The following MEMO1 variants were observed in gnomAD, a reference collection of about 807,000 sequenced individuals.
MEMO1 encodes the protein protein MEMO1.
Under a neutral mutation model 45.2 loss-of-function variants are expected in MEMO1, and 6 were observed. The ratio of observed to expected loss-of-function variants is 0.13; its 90% CI spans 0.07 to 0.26. MEMO1 has a LOEUF of 0.26. MEMO1 is among the 10% of genes least tolerant of loss of function. The pLI, the probability that MEMO1 is intolerant of heterozygous loss-of-function variation, is 1.00. For missense variants in MEMO1, 184 were observed against 370.5 expected, an observed-to-expected ratio of 0.50 and a Z score of 4.13; for synonymous variants, 78 against 124.3, an observed-to-expected ratio of 0.63 and a Z score of 2.48.
rs1370510018 is a variant in MEMO1, at chr2:31,923,817, T to C, written c.213-2907A>G. ...CATACATAAATTTCCTAAGTAAGTGTAATAAGGTTCTAACAATAGCCAAAA... is the reference window on the plus strand; with the variant it reads ...CATACATAAATTTCCTAAGTAAGTGCAATAAGGTTCTAACAATAGCCAAAA... On this transcript the variant is annotated intron_variant, in intron 4 of 9. Coordinates refer to ENST00000404530, the MANE Select transcript of MEMO1 (RefSeq NM_001301833.4). 2.8e-6 allele frequency: 4 copies of C among 1,443,560 alleles called. No individual in the cohort carries two copies. In the African/African-American group the frequency reaches 5.8e-5, roughly 21 times the overall value. The allele number at this position is 1,443,560 out of a possible 1,614,324, so 89.4% of individuals were successfully genotyped here.
At chr2:32,001,180 A>C (rs2148594930) in intron 2 of MEMO1, among the ~76,000 whole-genome samples, 1 of 151,946 alleles carries the variant, frequency 6.6e-6, no homozygotes, top group East Asian at 1.9e-4. Context: ...CTGGGACTAC[A>C]GGAGCCCGCC....
intron 7 of MEMO1, among the ~76,000 whole-genome samples, chr2:31,891,441 C>G (rs1676961923): frequency 6.6e-6 from 1 of 151,980 alleles, no homozygotes; most frequent in South Asian, 2.1e-4. Context: ...AGAGTCCTTA[C>G]CCTTATAAAA....
At chr2:31,914,842 C>A (rs985359506) in intron 6 of MEMO1, among the ~76,000 whole-genome samples, 3 of 151,582 alleles carry the variant, frequency 2.0e-5, no homozygotes, top group Non-Finnish European at 4.4e-5. Flanking sequence ...CCTGTAGTGC[C>A]ACTACTCTGA....
intron 8 of MEMO1, among the ~76,000 whole-genome samples, chr2:31,881,705 T>A (rs942658810): frequency 3.3e-5 from 5 of 152,040 alleles, no homozygotes; most frequent in Non-Finnish European, 7.4e-5. Context: ...CTCCAGGCCA[T>A]AAAGTTCAAG....
chr2:31,883,473 A>G lies in MEMO1; in HGVS notation c.581-11T>C. On this transcript the variant is annotated splice_polypyrimidine_tract_variant and intron_variant, in intron 7 of 9. Coordinates refer to ENST00000404530, the MANE Select transcript of MEMO1 (RefSeq NM_001301833.4). Reference sequence around the variant, plus strand: ...AACGGAACCTTTGACCTTGAAACAAATATCATGTACAAAATAAAATAGGGA... The same window carrying G: ...AACGGAACCTTTGACCTTGAAACAAGTATCATGTACAAAATAAAATAGGGA... 1 of 1,564,026 alleles carries G rather than the reference A, an allele frequency of 6.4e-7. No individual in the cohort carries two copies. The highest frequency in any genetic ancestry group is 8.7e-7 in the Non-Finnish European group (1 of 1,152,378).
chr2:31,984,844 A>C (rs1671082263), intron 2 of MEMO1, among the ~76,000 whole-genome samples: 3 of 152,212 alleles, frequency 2.0e-5, no homozygotes, highest in Admixed American at 2.0e-4. Context: ...AAAGGACATT[A>C]GTGTAAAAAC....
In MEMO1 at chr2:31,982,794, C is replaced by T. The variant is rs1280554986; in HGVS notation, c.61+27393G>A. ...GCTTTTCATGTATACTGGCATTGAA[C>T]AAATAGGTAAAATGAATGGTAGATG... On this transcript the variant is annotated intron_variant, in intron 2 of 9. Coordinates refer to ENST00000404530, the MANE Select transcript of MEMO1 (RefSeq NM_001301833.4). 2.0e-5 allele frequency among the ~76,000 whole-genome samples: 3 copies of T among 151,986 alleles called. No homozygotes were observed. In the East Asian group the frequency reaches 5.8e-4, roughly 29 times the overall value.
At chr2:31,902,025 G>A (rs970866916) in intron 6 of MEMO1, among the ~76,000 whole-genome samples, 2 of 152,136 alleles carry the variant, frequency 1.3e-5, no homozygotes, top group African/African-American at 4.8e-5. Flanking sequence ...GTAAGTCCCA[G>A]CTACTCGGGA....
At chr2:31,871,620 A>G (rs1344302932) in intron 8 of MEMO1, among the ~76,000 whole-genome samples, 1 of 152,074 alleles carries the variant, frequency 6.6e-6, no homozygotes, top group East Asian at 1.9e-4. Flanking sequence ...TCAGTTTGTA[A>G]TGCTAAGTTG....
chr2:31,989,221 T>A (rs1671643035), intron 2 of MEMO1, among the ~76,000 whole-genome samples: 1 of 142,382 alleles, frequency 7.0e-6, no homozygotes, highest in Admixed American at 7.1e-5. Context: ...AGAGCAAAAC[T>A]CTGTCTCAAA....
intron 2 of MEMO1, among the ~76,000 whole-genome samples, chr2:31,995,016 G>A (rs1164178657): frequency 3.3e-5 from 5 of 151,058 alleles, no homozygotes; most frequent in Non-Finnish European, 7.4e-5. Context: ...GAGGGAGGGA[G>A]GAAGGCAGGC....
Position 31,943,398 on chromosome 2 carries a change from A to C in MEMO1, c.62-15T>G. ...CAGCTGCGGTCCTATAAAAAGACAAAGACAAAATTAGAGTCAGCAAAGCAA... is the reference window on the plus strand; with the variant it reads ...CAGCTGCGGTCCTATAAAAAGACAACGACAAAATTAGAGTCAGCAAAGCAA... On this transcript the variant is annotated splice_polypyrimidine_tract_variant and intron_variant, in intron 2 of 9. Transcript: ENST00000404530. 6.3e-7 allele frequency: 1 copy of C among 1,594,676 alleles called. No homozygotes were observed. The highest frequency in any genetic ancestry group is 2.2e-5 in the East Asian group (1 of 44,820).
chr2:31,916,230 G>C (rs1373155204), intron 6 of MEMO1, among the ~76,000 whole-genome samples: 1 of 151,406 alleles, frequency 6.6e-6, no homozygotes, highest in African/African-American at 2.4e-5. Flanking sequence ...TTGTTTTTTG[G>C]GTTTGTTTGT....
chr2:31,924,463 T>C (rs1430327664), intron 4 of MEMO1, among the ~76,000 whole-genome samples: 1 of 151,034 alleles, frequency 6.6e-6, no homozygotes, highest in Non-Finnish European at 1.5e-5. Flanking sequence ...AAAAAAAACC[T>C]TTAACACGAA....
At chr2:31,890,627 C>A (rs981758695) in intron 7 of MEMO1, among the ~76,000 whole-genome samples, 1 of 151,836 alleles carries the variant, frequency 6.6e-6, no homozygotes, top group Non-Finnish European at 1.5e-5. Flanking sequence ...GAAGAAGAAC[C>A]CTGAGAGCTT....
At chr2:31,899,111 A>G (rs960518439) in intron 6 of MEMO1, among the ~76,000 whole-genome samples, 1 of 152,230 alleles carries the variant, frequency 6.6e-6, no homozygotes, top group Non-Finnish European at 1.5e-5. Flanking sequence ...CCCACCGCCC[A>G]AAGTAAGTTA....
intron 8 of MEMO1, among the ~76,000 whole-genome samples, chr2:31,870,535 T>C (rs969253741): frequency 1.3e-5 from 2 of 152,162 alleles, no homozygotes; most frequent in African/African-American, 4.8e-5. Context: ...AGTTAACATA[T>C]TTTAATTAAT....
At chr2:31,923,376 CTTCAATATGTAATTA>C in intron 4 of MEMO1, 1 of 260,036 alleles carries the variant, frequency 3.8e-6, no homozygotes, top group Non-Finnish European at 7.2e-6. Context: ...ACCTCTCTTC[CTTCAATATGTAATTA>C]TTAGCACTGC....
intron 2 of MEMO1, among the ~76,000 whole-genome samples, chr2:31,966,709 G>C (rs1032015736): frequency 1.5e-5 from 2 of 131,556 alleles, no homozygotes; most frequent in African/African-American, 5.4e-5. Context: ...CTCCAGCCTG[G>C]GTAACAGAGC....
Sources: allele counts gnomAD v4.1 joint callset (sites outside exome capture counted in the v4.1 genomes callset), GRCh38; gene constraint gnomAD v4.1.1; transcripts MANE v1.5; gene names NCBI Gene and HGNC (gene_info 2026-07-23, HGNC 2026-07-21).